Variants in SCD5 observed in about 807,000 individuals in gnomAD.
The protein encoded by SCD5 is stearoyl-CoA desaturase 5, also known as acyl-CoA-desaturase 4.
A neutral mutation model predicts 30.4 loss-of-function variants in SCD5; 20 were observed. The ratio of observed to expected loss-of-function variants is 0.66; its 90% CI spans 0.46 to 0.96. The LOEUF is 0.96. SCD5 is among the 40% of genes least tolerant of loss of function. SCD5 has a pLI of 0.00. For missense variants in SCD5, 381 were observed against 443.3 expected (o/e 0.86, Z 1.26); for synonymous variants, 173 against 176.4 (o/e 0.98, Z 0.16).
chr4:82,634,667 G>A (rs898682189), intron 4 of SCD5, among the ~76,000 whole-genome samples: 1 of 152,204 alleles, frequency 6.6e-6, no homozygotes, highest in Non-Finnish European at 1.5e-5. Flanking sequence ...TGTTGAGCTG[G>A]ATAGACTTAT....
chr4:82,785,192 C>A (rs559483572), intron 1 of SCD5, among the ~76,000 whole-genome samples: 1 of 152,298 alleles, frequency 6.6e-6, no homozygotes, highest in African/African-American at 2.4e-5. Context: ...ACTACTCTGG[C>A]ATAAGGATTA....
rs1261693797 is a variant in SCD5, at chr4:82,629,546, A to G, written c.*1781T>C. The G allele has an allele frequency of 6.6e-6, 1 of 152,258 alleles. No homozygotes were observed. Among genetic ancestry groups the G allele is most frequent in the Non-Finnish European group, 1.5e-5 (1 of 68,048 alleles). 9.4% of individuals were successfully genotyped at this position (152,258 alleles called of 1,614,324 possible). On this transcript the variant is annotated 3_prime_UTR_variant, in exon 5 of 5. Coordinates refer to ENST00000319540, the MANE Select transcript of SCD5 (RefSeq NM_001037582.3). The stretch of plus-strand genomic sequence containing the variant: ...TCTGGACAAGAACACCAATGAATTC[A>G]TAATCATTTATTGTAAATCACTCAC...
At chr4:82,643,168 G>A (rs1363907335) in intron 3 of SCD5, among the ~76,000 whole-genome samples, 1 of 152,226 alleles carries the variant, frequency 6.6e-6, no homozygotes, top group Non-Finnish European at 1.5e-5. Flanking sequence ...ATGGAGGAAT[G>A]TGAAGTGGCA....
chr4:82,631,200 A>C lies in SCD5; in HGVS notation c.*127T>G. On this transcript the variant is annotated 3_prime_UTR_variant, in exon 5 of 5. Transcript: ENST00000319540. ...TTTGAGATAAACAAAAACATTCCCA[A>C]ACCACATTGACTCGTTCCTTCCCCA... is the stretch of plus-strand genomic sequence containing the variant. 1 of 676,468 alleles carries C rather than the reference A, an allele frequency of 1.5e-6. No individual in the cohort carries two copies. The allele number at this position is 676,468 out of a possible 1,614,324, so 41.9% of individuals were successfully genotyped here. A position where few individuals can be genotyped will look rare whatever the true frequency, so the allele number is the denominator to read the frequency against.
chr4:82,797,522 G>T (rs1394086322), intron 1 of SCD5, among the ~76,000 whole-genome samples: 1 of 152,058 alleles, frequency 6.6e-6, no homozygotes, highest in Non-Finnish European at 1.5e-5. Flanking sequence ...TGGCAGGAGT[G>T]GGGGTGCACG....
At chr4:82,758,279 A>G (rs1383473692) in intron 1 of SCD5, among the ~76,000 whole-genome samples, 1 of 152,142 alleles carries the variant, frequency 6.6e-6, no homozygotes, top group African/African-American at 2.4e-5. Flanking sequence ...ACTGGGCAAT[A>G]TATCAAGATC....
chr4:82,667,916 C>CA lies in SCD5; in HGVS notation c.569+12790dup, dbSNP rs1315646716. On this transcript the variant is annotated intron_variant, in intron 3 of 4. Coordinates refer to ENST00000319540, the MANE Select transcript of SCD5 (RefSeq NM_001037582.3). ...TGTTAACCAAAGATATACTGCCTCTCAAAAATGGGAGATAAGATTCAAGGA... is the reference window on the plus strand; with the variant it reads ...TGTTAACCAAAGATATACTGCCTCTCAAAAAATGGGAGATAAGATTCAAGGA... 2.0e-5 allele frequency among the ~76,000 whole-genome samples: 3 copies of CA among 151,948 alleles called. No homozygotes were observed. In the East Asian group the frequency reaches 5.8e-4, roughly 29 times the overall value.
At chr4:82,705,918 T>C (rs1423917300) in intron 1 of SCD5, among the ~76,000 whole-genome samples, 1 of 152,236 alleles carries the variant, frequency 6.6e-6, no homozygotes, top group African/African-American at 2.4e-5. Flanking sequence ...CTGATCTTGA[T>C]CTCAATCTAT....
chr4:82,779,786 T>C (rs72925428), intron 1 of SCD5, among the ~76,000 whole-genome samples: 3,693 of 152,256 alleles, frequency 0.024, 139 homozygotes, highest in African/African-American at 0.081. Flanking sequence ...AACCTTGGGG[T>C]CAGATGTGCT....
At chr4:82,696,405 G>GA (rs1719696257) in intron 2 of SCD5, among the ~76,000 whole-genome samples, 1 of 152,164 alleles carries the variant, frequency 6.6e-6, no homozygotes. Context: ...GACCAATGAT[G>GA]AAAAACAATT....
At chr4:82,721,192 A>C (rs991836026) in intron 1 of SCD5, among the ~76,000 whole-genome samples, 1 of 151,984 alleles carries the variant, frequency 6.6e-6, no homozygotes, top group African/African-American at 2.4e-5. Flanking sequence ...AAACAAACAA[A>C]CAAAAAACCT....
At chr4:82,789,561 G>A (rs541316479) in intron 1 of SCD5, among the ~76,000 whole-genome samples, 1 of 152,316 alleles carries the variant, frequency 6.6e-6, no homozygotes, top group African/African-American at 2.4e-5. Context: ...TGAGTAGCAA[G>A]GCCCTTAAGG....
intron 1 of SCD5, among the ~76,000 whole-genome samples, 155 bp from the exon 2 acceptor site, chr4:82,705,568 T>C (rs1719952747): frequency 6.6e-6 from 1 of 152,246 alleles, no homozygotes; most frequent in Admixed American, 6.5e-5. Flanking sequence ...AGGCAGCCTT[T>C]TTATTGATTT....
chr4:82,649,463 T>C (rs1479648731), intron 3 of SCD5, among the ~76,000 whole-genome samples: 2 of 152,174 alleles, frequency 1.3e-5, no homozygotes, highest in African/African-American at 2.4e-5. Context: ...CTAAAAATAC[T>C]GTATGGGTAC....
At chr4:82,707,607 T>C (rs1305603910) in intron 1 of SCD5, among the ~76,000 whole-genome samples, 1 of 152,258 alleles carries the variant, frequency 6.6e-6, no homozygotes, top group Non-Finnish European at 1.5e-5. Flanking sequence ...AGATTCTCTC[T>C]TGAGCTGGCT....
intron 3 of SCD5, among the ~76,000 whole-genome samples, chr4:82,665,231 CAAAAA>C (rs35422547): frequency 2.8e-5 from 2 of 72,150 alleles, no homozygotes; most frequent in Admixed American, 1.6e-4. Context: ...GACCCTGTCT[CAAAAA>C]AAAAAAAAAA....
In SCD5 at chr4:82,798,711, G is replaced by C; in HGVS notation, c.-174C>G. On this transcript the variant is annotated 5_prime_UTR_variant, in exon 1 of 5. Coordinates refer to ENST00000319540, the MANE Select transcript of SCD5 (RefSeq NM_001037582.3). ...CTGCGCTCTTCCCCAGGGTCTTAGC[G>C]TGGCCTAGGGATGCAGATCTTGGCG... The C allele has an allele frequency of 1.6e-6, 1 of 610,104 alleles. No individual in the cohort carries two copies. The highest frequency in any genetic ancestry group is 2.8e-6 in the Non-Finnish European group (1 of 358,608). The allele number at this position is 610,104 out of a possible 1,614,324, so 37.8% of individuals were successfully genotyped here.
intron 1 of SCD5, among the ~76,000 whole-genome samples, chr4:82,774,774 C>A (rs1721708503): frequency 6.6e-6 from 1 of 152,166 alleles, no homozygotes; most frequent in Non-Finnish European, 1.5e-5. Flanking sequence ...ACCCTGCCCG[C>A]TTCTCTTCCA....
chr4:82,750,084 T>C (rs758605378), intron 1 of SCD5, among the ~76,000 whole-genome samples: 2 of 152,212 alleles, frequency 1.3e-5, no homozygotes, highest in African/African-American at 2.4e-5. Context: ...CTGTGAACAA[T>C]TGTAGTGGGG....
Sources: allele counts gnomAD v4.1 joint callset (sites outside exome capture counted in the v4.1 genomes callset), GRCh38; gene constraint gnomAD v4.1.1; transcripts MANE v1.5; gene names NCBI Gene and HGNC (gene_info 2026-07-23, HGNC 2026-07-21).